MSH4: variants seen among roughly 807,000 people sequenced by gnomAD.
MSH4 encodes the protein mutS homolog 4.
In MSH4, 106 loss-of-function variants were observed where a neutral mutation model predicts 113.7. That is an observed-to-expected ratio of 0.93 (90% confidence interval 0.80 to 1.10). MSH4 has a LOEUF of 1.10. Ranked by LOEUF, MSH4 falls within the 50% of genes least tolerant of loss-of-function variation. The probability of loss-of-function intolerance (pLI) is 0.00; values close to 1 mark genes in which losing one functional copy is unlikely to be tolerated. For synonymous variants in MSH4, 368 were observed against 380.2 expected (o/e 0.97, Z 0.37); for missense variants, 1,061 against 1,093.7 (o/e 0.97, Z 0.42).
chr1:75,828,465 T>C (rs866553462), intron 7 of MSH4, among the ~76,000 whole-genome samples: 1 of 152,192 alleles, frequency 6.6e-6, no homozygotes, highest in Non-Finnish European at 1.5e-5. Context: ...CACCTTGGAA[T>C]ACTATGCTGT....
chr1:75,870,565 T>C (rs1293361027), intron 9 of MSH4, among the ~76,000 whole-genome samples: 1 of 152,134 alleles, frequency 6.6e-6, no homozygotes, highest in Non-Finnish European at 1.5e-5. Context: ...GTTCTCCTGG[T>C]AGTGAATAAG....
chr1:75,848,086 A>G, intron 7 of MSH4, 123 bp from the exon 8 acceptor site: 2 of 573,668 alleles, frequency 3.5e-6, no homozygotes, highest in Non-Finnish European at 6.1e-6. Context: ...GTTAAAGAAG[A>G]CAAAAAGTAA....
At chr1:75,866,331 T>C (rs1651561957) in intron 8 of MSH4, among the ~76,000 whole-genome samples, 2 of 152,092 alleles carry the variant, frequency 1.3e-5, no homozygotes, top group Non-Finnish European at 2.9e-5. Flanking sequence ...AGCTAATTTC[T>C]TAACTTTTTT....
At chr1:75,890,334 A>T (rs1279641244) in intron 16 of MSH4, among the ~76,000 whole-genome samples, 1 of 152,062 alleles carries the variant, frequency 6.6e-6, no homozygotes. Flanking sequence ...TGGATACTTT[A>T]TAGCAGTAAT....
intron 10 of MSH4, among the ~76,000 whole-genome samples, chr1:75,877,542 A>G (rs1352247555): frequency 6.6e-6 from 1 of 152,196 alleles, no homozygotes; most frequent in East Asian, 1.9e-4. Flanking sequence ...GAGGCCACAC[A>G]TTGAAGTTAA....
At chr1:75,859,074 A>G (rs1651388980) in intron 8 of MSH4, among the ~76,000 whole-genome samples, 1 of 151,976 alleles carries the variant, frequency 6.6e-6, no homozygotes, top group African/African-American at 2.4e-5. Flanking sequence ...AGTATTCTCT[A>G]TGGTAGTTTG....
At chr1:75,911,146 G>A (rs1652778654) in intron 19 of MSH4, among the ~76,000 whole-genome samples, 1 of 150,666 alleles carries the variant, frequency 6.6e-6, no homozygotes, top group Non-Finnish European at 1.5e-5. Context: ...TCAGGGATTT[G>A]CCTTCTTAAC....
At chr1:75,861,817 C>G (rs952989299) in intron 8 of MSH4, among the ~76,000 whole-genome samples, 1 of 152,178 alleles carries the variant, frequency 6.6e-6, no homozygotes, top group Non-Finnish European at 1.5e-5. Context: ...TATGCAGGGA[C>G]GTTTAAGTCT....
intron 19 of MSH4, among the ~76,000 whole-genome samples, chr1:75,904,696 T>G (rs1436779891): frequency 1.3e-5 from 2 of 151,920 alleles, no homozygotes; most frequent in Middle Eastern, 3.2e-3. Flanking sequence ...TATTTACTGT[T>G]TTGCAGAGAT....
chr1:75,884,940 G>A (rs1476104200), intron 15 of MSH4, among the ~76,000 whole-genome samples: 2 of 150,222 alleles, frequency 1.3e-5, no homozygotes, highest in African/African-American at 4.9e-5. Flanking sequence ...AATTAGCTAT[G>A]AGGAGCTAAT....
At chr1:75,857,683 TA>T (rs1412898430) in intron 8 of MSH4, among the ~76,000 whole-genome samples, 6 of 152,216 alleles carry the variant, frequency 3.9e-5, no homozygotes, top group Admixed American at 1.3e-4. Flanking sequence ...CTGTTTTGGT[TA>T]CTGTAGCCTT....
intron 17 of MSH4, among the ~76,000 whole-genome samples, chr1:75,897,699 A>T (rs941302618): frequency 1.1e-4 from 16 of 152,146 alleles, no homozygotes; most frequent in African/African-American, 3.4e-4. Context: ...GCACAAACAT[A>T]ATAAACATAT....
chr1:75,809,757 C>CAGCCTG (rs1455255266), intron 3 of MSH4, among the ~76,000 whole-genome samples: 1 of 151,460 alleles, frequency 6.6e-6, no homozygotes, highest in Non-Finnish European at 1.5e-5. Flanking sequence ...TCTCCTGCCT[C>CAGCCTG]AGCCTGCCTC....
intron 7 of MSH4, among the ~76,000 whole-genome samples, chr1:75,828,804 A>G (rs1650614792): frequency 6.6e-6 from 1 of 152,052 alleles, no homozygotes; most frequent in Non-Finnish European, 1.5e-5. Context: ...ATCCAAAATA[A>G]TTTTTTTTAA....
intron 7 of MSH4, among the ~76,000 whole-genome samples, chr1:75,823,941 G>A (rs1280481287): frequency 6.6e-6 from 1 of 152,116 alleles, no homozygotes; most frequent in East Asian, 1.9e-4. Context: ...AAACATACAT[G>A]TGCATGTGTC....
At chr1:75,798,796 G>A (rs988255294) in intron 1 of MSH4, among the ~76,000 whole-genome samples, 1 of 151,980 alleles carries the variant, frequency 6.6e-6, no homozygotes, top group Non-Finnish European at 1.5e-5. Flanking sequence ...AGGCTCAAGC[G>A]ATCCTCCTAC....
chr1:75,807,833 C>T (rs1040290238), intron 3 of MSH4, among the ~76,000 whole-genome samples: 11 of 152,046 alleles, frequency 7.2e-5, no homozygotes, highest in African/African-American at 2.2e-4. Flanking sequence ...GTGGACTAGG[C>T]GGTGAAAATC....
At chr1:75,875,675 A>G (rs1056959465) in intron 9 of MSH4, among the ~76,000 whole-genome samples, 1 of 152,180 alleles carries the variant, frequency 6.6e-6, no homozygotes, top group African/African-American at 2.4e-5. Context: ...AAAATATAGC[A>G]TTATAGGTGG....
chr1:75,846,111 G>A (rs1651071233), intron 7 of MSH4, among the ~76,000 whole-genome samples: 1 of 102,270 alleles, frequency 9.8e-6, no homozygotes, highest in South Asian at 2.5e-4. Flanking sequence ...CCAAGGTGCT[G>A]CAGGGCAGCA....
Sources: allele counts gnomAD v4.1 joint callset (sites outside exome capture counted in the v4.1 genomes callset), GRCh38; gene constraint gnomAD v4.1.1; transcripts MANE v1.5; gene names NCBI Gene and HGNC (gene_info 2026-07-23, HGNC 2026-07-21).